HK1: variants seen among roughly 807,000 people sequenced by gnomAD.
HK1 encodes the protein hexokinase-1.
HK1 carries 28 observed loss-of-function variants against 91.6 expected under a neutral mutation model. That is an observed-to-expected ratio of 0.31 (90% confidence interval 0.23 to 0.42). HK1 has a LOEUF of 0.42. Ranked by LOEUF, HK1 falls within the 10% of genes least tolerant of loss-of-function variation. HK1 has a pLI of 1.00. For missense variants in HK1, 770 were observed against 1,219.8 expected (o/e 0.63, Z 5.49); for synonymous variants, 430 against 468.1 (o/e 0.92, Z 1.05).
chr10:69,338,386 C>G lies in HK1; in HGVS notation c.64-5441C>G, dbSNP rs116274613. The G allele has an allele frequency of 1.3e-3, 1,546 of 1,205,616 alleles. 13 individuals are homozygous for G. The African/African-American group carries it at 0.023, about 18-fold the overall frequency. The allele number at this position is 1,205,616 out of a possible 1,614,324, so 74.7% of individuals were successfully genotyped here. A position where few individuals can be genotyped will look rare whatever the true frequency, so the allele number is the denominator to read the frequency against. Reference sequence around the variant, plus strand: ...GGCGCCTTCCCATTTCCATCCCAGCCTGACCAGACTGACCAGAGTCCCACA... The same window carrying G: ...GGCGCCTTCCCATTTCCATCCCAGCGTGACCAGACTGACCAGAGTCCCACA... On this transcript the variant is annotated intron_variant, in intron 1 of 17. Coordinates refer to ENST00000359426, the MANE Select transcript of HK1 (RefSeq NM_000188.3).
rs111685570 is a variant in HK1, at chr10:69,356,869, C to T, written c.227-3028C>T. Among the ~76,000 whole-genome samples the T allele has an allele frequency of 6.9e-3, 802 of 115,396 alleles. 7 individuals are homozygous for T. Among genetic ancestry groups the T allele is most frequent in the African/African-American group, 0.029 (770 of 26,446 alleles). The allele number at this position is 115,396 out of a possible 152,430, so 75.7% of individuals were successfully genotyped here. Reference sequence around the variant, plus strand: ...CTGCCCTCCAAGCTGGGCAACAGAGCGAAACTCCATCTCAAAAAAAAAAAA... The same window carrying T: ...CTGCCCTCCAAGCTGGGCAACAGAGTGAAACTCCATCTCAAAAAAAAAAAA... On this transcript the variant is annotated intron_variant, in intron 2 of 17. Transcript: ENST00000359426.
chr10:69,375,392 G>C lies in HK1; in HGVS notation c.876-1542G>C, dbSNP rs374918850. Reference sequence around the variant, plus strand: ...TCTGCCAGGCCTCCACCAGTGCTGAGATTCCTGTTCAGGGCTACACAGAGG... The same window carrying C: ...TCTGCCAGGCCTCCACCAGTGCTGACATTCCTGTTCAGGGCTACACAGAGG... On this transcript the variant is annotated intron_variant, in intron 7 of 17. Coordinates refer to ENST00000359426, the MANE Select transcript of HK1 (RefSeq NM_000188.3). Among the ~76,000 whole-genome samples, 24 of 152,314 alleles carry C rather than the reference G, an allele frequency of 1.6e-4. 2 individuals are homozygous for C. In the East Asian group the frequency reaches 2.9e-3, roughly 18 times the overall value.
chr10:69,276,118 A>AAAT lies in HK1; in HGVS notation c.-391+6011_-391+6012insATA. 3.7e-3 allele frequency among the ~76,000 whole-genome samples: 141 copies of AAAT among 38,268 alleles called. 34 individuals are homozygous for AAAT. The highest frequency in any genetic ancestry group is 7.2e-3 in the Admixed American group (13 of 1,798). The allele number at this position is 38,268 out of a possible 152,430, so 25.1% of individuals were successfully genotyped here. A position where few individuals can be genotyped will look rare whatever the true frequency, so the allele number is the denominator to read the frequency against. ...AAAAAAAAAAAAAAAAAAAAAAAAA[A>AAAT]ATACATATATATATATATATACACA... On this transcript the variant is annotated intron_variant, in intron 1 of 21. Transcript: ENST00000360289.
At chr10:69,285,205 T>C (rs4282890) in intron 2 of HK1, among the ~76,000 whole-genome samples, 78,303 of 151,342 alleles carry the variant, frequency 0.52, 20,911 homozygotes, top group African/African-American at 0.66. Context: ...GAGGCCGAGG[T>C]GGGTGGATCG....
In HK1 at chr10:69,306,210, T is replaced by C. The variant is rs1045838242; in HGVS notation, c.27+5349T>C. ...TCTACTAAAAATACAAAAAAAAAATTAGCCACGCATTGTGGCGGGCACCTG... is the reference window on the plus strand; with the variant it reads ...TCTACTAAAAATACAAAAAAAAAATCAGCCACGCATTGTGGCGGGCACCTG... On this transcript the variant is annotated intron_variant, in intron 5 of 21. Transcript: ENST00000360289. 2.6e-5 allele frequency among the ~76,000 whole-genome samples: 4 copies of C among 151,804 alleles called. No homozygotes were observed. The East Asian group carries it at 7.8e-4, about 29-fold the overall frequency.
At chr10:69,354,943 C>T (rs1352196207) in intron 2 of HK1, among the ~76,000 whole-genome samples, 2 of 151,852 alleles carry the variant, frequency 1.3e-5, no homozygotes, top group African/African-American at 4.8e-5. Context: ...GTGGTGGACA[C>T]CTGTAATCCT....
intron 16 of HK1, among the ~76,000 whole-genome samples, chr10:69,395,548 A>G (rs1167524178): frequency 2.0e-5 from 3 of 152,254 alleles, no homozygotes; most frequent in Non-Finnish European, 2.9e-5. Flanking sequence ...ACTGCACTCC[A>G]GCCTGGCCTG....
At chr10:69,317,718 G>A (rs1846723760), upstream of HK1, among the ~76,000 whole-genome samples, 1 of 152,170 alleles carries the variant, frequency 6.6e-6, no homozygotes, top group African/African-American at 2.4e-5. Context: ...ACAACTTCCT[G>A]GCTGTATAAA....
chr10:69,276,658 T>TA (rs943358812), intron 1 of HK1, among the ~76,000 whole-genome samples: 6 of 150,604 alleles, frequency 4.0e-5, no homozygotes, highest in Admixed American at 6.6e-5. Context: ...GACTCTGTCT[T>TA]AAAAAAAAAT....
At chr10:69,400,957 C>T (rs751459104) in intron 17 of HK1, 34 bp from the exon 18 acceptor site, 2 of 1,613,902 alleles carry the variant, frequency 1.2e-6, no homozygotes, top group Non-Finnish European at 1.7e-6. Context: ...TCTCATCTTC[C>T]TCCAACTACC....
At chr10:69,303,983 G>C (rs1245399690) in intron 5 of HK1, among the ~76,000 whole-genome samples, 1 of 152,118 alleles carries the variant, frequency 6.6e-6, no homozygotes, top group Non-Finnish European at 1.5e-5. Context: ...CTGGCTGGGG[G>C]CCACAAGATC....
intron 7 of HK1, among the ~76,000 whole-genome samples, chr10:69,376,429 A>C (rs1301861460): frequency 1.3e-5 from 2 of 152,186 alleles, no homozygotes; most frequent in Non-Finnish European, 2.9e-5. Flanking sequence ...GCTTGAGCCC[A>C]GGAGGTTGAG....
At chr10:69,302,754 T>A (rs1366220474) in intron 5 of HK1, among the ~76,000 whole-genome samples, 3 of 36,400 alleles carry the variant, frequency 8.2e-5, no homozygotes, top group Admixed American at 2.9e-4. Flanking sequence ...GGACCCTGTC[T>A]CAAAAAAAAA....
intron 2 of HK1, among the ~76,000 whole-genome samples, chr10:69,287,364 T>C (rs1293866100): frequency 6.6e-6 from 1 of 152,200 alleles, no homozygotes; most frequent in East Asian, 1.9e-4. Context: ...ACCGCCCCCA[T>C]GATCCAACTC....
intron 7 of HK1, among the ~76,000 whole-genome samples, chr10:69,371,520 T>C (rs898406932): frequency 2.0e-5 from 3 of 152,206 alleles, no homozygotes; most frequent in African/African-American, 7.2e-5. Flanking sequence ...CCCAAGCACA[T>C]GTGACCCCAA....
chr10:69,331,522 C>G (rs1334541354), intron 1 of HK1, among the ~76,000 whole-genome samples: 4 of 152,182 alleles, frequency 2.6e-5, no homozygotes, highest in Non-Finnish European at 1.5e-5. Flanking sequence ...CATATAAACT[C>G]CACACAGGTT....
At chr10:69,368,444 C>G (rs1332107843) in intron 4 of HK1, 92 bp from the exon 5 acceptor site, 2 of 1,140,632 alleles carry the variant, frequency 1.8e-6, no homozygotes, top group East Asian at 2.4e-5. Flanking sequence ...CTATGGGCTT[C>G]TGCTTCATCC....
rs1159803815 is a variant in HK1 at position 69,283,218 on chromosome 10, G to A, written c.-215+514G>A. Among the ~76,000 whole-genome samples the A allele has an allele frequency of 3.3e-5, 5 of 151,350 alleles. No homozygotes were observed. In the South Asian group the frequency reaches 8.4e-4, roughly 25 times the overall value. On this transcript the variant is annotated intron_variant, in intron 2 of 21. Coordinates refer to the HK1 transcript ENST00000360289. ...TCCCAGCACTTTGAGAGGCCAAGGC[G>A]GGAGGATCACTTGAGACCAGGAGTT...
Position 69,276,118 on chromosome 10 carries a change from A to AAAAAATATATATATATATAT in HK1, c.-391+6011_-391+6012insAAAATATATATATATATATA. 3.7e-4 allele frequency among the ~76,000 whole-genome samples: 14 copies of AAAAAATATATATATATATAT among 38,268 alleles called. 1 individual carries two copies. The highest frequency in any genetic ancestry group is 6.6e-4 in the Non-Finnish European group (13 of 19,636). 25.1% of individuals were successfully genotyped at this position (38,268 alleles called of 152,430 possible). Reference sequence around the variant, plus strand: ...AAAAAAAAAAAAAAAAAAAAAAAAAAATACATATATATATATATATACACA... The same window carrying AAAAAATATATATATATATAT: ...AAAAAAAAAAAAAAAAAAAAAAAAAAAAAAATATATATATATATATATACATATATATATATATATACACA... On this transcript the variant is annotated intron_variant, in intron 1 of 21. Coordinates refer to the HK1 transcript ENST00000360289.
Sources: allele counts gnomAD v4.1 joint callset (sites outside exome capture counted in the v4.1 genomes callset), GRCh38; gene constraint gnomAD v4.1.1; transcripts MANE v1.5; gene names NCBI Gene and HGNC (gene_info 2026-07-23, HGNC 2026-07-21).